The following TAOK1 variants were observed in gnomAD, a reference collection of about 807,000 sequenced individuals.
TAOK1 encodes TAO kinase 1.
A neutral mutation model predicts 138.3 loss-of-function variants in TAOK1; 21 were observed. The observed-to-expected ratio is 0.15, with a 90% CI of 0.11 to 0.22. TAOK1 has a LOEUF of 0.22. Ranked by LOEUF, TAOK1 falls within the 10% of genes least tolerant of loss-of-function variation. TAOK1 has a pLI of 1.00. For synonymous variants in TAOK1, 361 were observed against 398.4 expected (o/e 0.91, Z 1.12); for missense variants, 651 against 1,227.7 (o/e 0.53, Z 7.02).
intron 1 of TAOK1, among the ~76,000 whole-genome samples, chr17:29,404,532 C>T (rs1458933943): frequency 6.6e-6 from 1 of 152,150 alleles, no homozygotes; most frequent in Non-Finnish European, 1.5e-5. Flanking sequence ...TATCTTCCGC[C>T]TGTAATCCCA....
At chr17:29,499,439 C>T (rs1433435516) in intron 12 of TAOK1, among the ~76,000 whole-genome samples, 3 of 151,496 alleles carry the variant, frequency 2.0e-5, no homozygotes, top group Non-Finnish European at 4.4e-5. Flanking sequence ...ACCATGTTGG[C>T]CAGGCTAGTC....
chr17:29,537,732 AAAG>A (rs1266499558), intron 19 of TAOK1, among the ~76,000 whole-genome samples: 1 of 152,174 alleles, frequency 6.6e-6, no homozygotes, highest in East Asian at 1.9e-4. Context: ...GAAAAAAGGA[AAAG>A]AAATCCAAAT....
rs373726207 is a variant in TAOK1, at chr17:29,393,602, A to G, written c.-95+2578A>G. On this transcript the variant is annotated intron_variant, in intron 1 of 19. Transcript: ENST00000261716. Reference sequence around the variant, plus strand: ...TCTTATGTTTCTAAATAGTTCATCTACAAAATGGCAGTGTACATCACTTCC... The same window carrying G: ...TCTTATGTTTCTAAATAGTTCATCTGCAAAATGGCAGTGTACATCACTTCC... 3.3e-5 allele frequency among the ~76,000 whole-genome samples: 5 copies of G among 152,348 alleles called. No individual in the cohort carries two copies. The East Asian group carries it at 7.7e-4, about 23-fold the overall frequency.
At chr17:29,504,276 CAAAAA>C (rs71138826) in intron 13 of TAOK1, among the ~76,000 whole-genome samples, 1 of 40,846 alleles carries the variant, frequency 2.4e-5, no homozygotes, top group Non-Finnish European at 4.4e-5. Flanking sequence ...GACCCTGTCT[CAAAAA>C]AAAAAAAAAA....
At chr17:29,507,080 G>C (rs935859808) in intron 13 of TAOK1, among the ~76,000 whole-genome samples, 1 of 152,104 alleles carries the variant, frequency 6.6e-6, no homozygotes, top group South Asian at 2.1e-4. Context: ...GTTACCAGGA[G>C]GGGAGAATGG....
At position 29,547,284 on chromosome 17, in the gene TAOK1, A is replaced by G. The variant is rs564712169; in HGVS notation, c.*4262A>G. 1 of 152,278 alleles carries G rather than the reference A, an allele frequency of 6.6e-6. No individual in the cohort carries two copies. Among genetic ancestry groups the G allele is most frequent in the South Asian group, 2.1e-4 (1 of 4,828 alleles). 9.4% of individuals were successfully genotyped at this position (152,278 alleles called of 1,614,324 possible). On this transcript the variant is annotated 3_prime_UTR_variant, in exon 20 of 20. Coordinates refer to ENST00000261716, the MANE Select transcript of TAOK1 (RefSeq NM_020791.4). Reference sequence around the variant, plus strand: ...AACAGCCAAGAAAGGAATTACTGCTAAAGCATCTAAGATTCTCCTGAACTG... The same window carrying G: ...AACAGCCAAGAAAGGAATTACTGCTGAAGCATCTAAGATTCTCCTGAACTG...
chr17:29,424,314 G>A (rs1196582804), intron 1 of TAOK1, among the ~76,000 whole-genome samples: 3 of 151,206 alleles, frequency 2.0e-5, no homozygotes, highest in Non-Finnish European at 2.9e-5. Flanking sequence ...GCGGGTGCCT[G>A]TAGTCCCAGC....
At position 29,395,824 on chromosome 17, in the gene TAOK1, A is replaced by ATTTTTTTTTTTTTTTT. The variant is rs1187461666; in HGVS notation, c.-95+4809_-95+4824dup. ...AGGTACATGCCACCACGTCTGGCTAATTTTTTTTTTTTTTTTTTTTTTTTG... is the reference window on the plus strand; with the variant it reads ...AGGTACATGCCACCACGTCTGGCTAATTTTTTTTTTTTTTTTTTTTTTTTTTTTTTTTTTTTTTTTG... On this transcript the variant is annotated intron_variant, in intron 1 of 19. Transcript: ENST00000261716. Among the ~76,000 whole-genome samples the ATTTTTTTTTTTTTTTT allele has an allele frequency of 9.7e-5, 7 of 72,106 alleles. 1 individual carries two copies. Among genetic ancestry groups the ATTTTTTTTTTTTTTTT allele is most frequent in the African/African-American group, 4.5e-4 (7 of 15,542 alleles). The allele number at this position is 72,106 out of a possible 152,430, so 47.3% of individuals were successfully genotyped here.
At chr17:29,513,149 G>T (rs568099000) in intron 15 of TAOK1, 1 of 137,852 alleles carries the variant, frequency 7.3e-6, no homozygotes, top group African/African-American at 2.7e-5. Flanking sequence ...GATAAAATAA[G>T]TATAATCAAT....
intron 3 of TAOK1, among the ~76,000 whole-genome samples, chr17:29,468,272 G>T (rs1188484334): frequency 6.6e-6 from 1 of 150,618 alleles, no homozygotes; most frequent in Non-Finnish European, 1.5e-5. Flanking sequence ...GAGTAGCTGG[G>T]ACTACAGGTG....
chr17:29,401,222 A>G (rs1567707858), intron 1 of TAOK1, among the ~76,000 whole-genome samples: 1 of 151,968 alleles, frequency 6.6e-6, no homozygotes, highest in Non-Finnish European at 1.5e-5. Flanking sequence ...GCAGTTTGCC[A>G]CATTTTTATA....
chr17:29,478,373 G>T, intron 6 of TAOK1, 26 bp downstream of exon 6: 1 of 1,493,112 alleles, frequency 6.7e-7, no homozygotes, highest in South Asian at 1.4e-5. Flanking sequence ...ATTATATATT[G>T]ATAAGTAAAT....
At chr17:29,515,324 AT>A (rs971579849) in intron 15 of TAOK1, among the ~76,000 whole-genome samples, 7 of 152,056 alleles carry the variant, frequency 4.6e-5, no homozygotes, top group Admixed American at 2.0e-4. Flanking sequence ...GTTTAACTGT[AT>A]TTTTGTCCTA....
intron 10 of TAOK1, among the ~76,000 whole-genome samples, chr17:29,493,397 C>T (rs751225354): frequency 2.0e-5 from 3 of 149,160 alleles, no homozygotes; most frequent in Non-Finnish European, 3.0e-5. Flanking sequence ...AGGAGGCTGA[C>T]GCAGGAGAAT....
At chr17:29,463,297 C>T (rs964252716) in intron 2 of TAOK1, among the ~76,000 whole-genome samples, 2 of 152,086 alleles carry the variant, frequency 1.3e-5, no homozygotes, top group Non-Finnish European at 2.9e-5. Flanking sequence ...AGGCCAGGCA[C>T]GGTGGGTCAT....
At chr17:29,454,686 GGTTTTTTT>G (rs930332508) in intron 2 of TAOK1, among the ~76,000 whole-genome samples, 4 of 151,700 alleles carry the variant, frequency 2.6e-5, no homozygotes, top group Non-Finnish European at 5.9e-5. Context: ...CATATTCTTA[GGTTTTTTT>G]GTTTTTTTGT....
chr17:29,534,928 G>GGTGTGTGTGTGTGTGTGTGT (rs71138832), intron 19 of TAOK1, among the ~76,000 whole-genome samples: 1 of 147,222 alleles, frequency 6.8e-6, no homozygotes, highest in African/African-American at 2.5e-5. Flanking sequence ...AGGATACTAA[G>GGTGTGTGTGTGTGTGTGTGT]GTGTGTGTGT....
intron 13 of TAOK1, among the ~76,000 whole-genome samples, chr17:29,504,863 G>A (rs903641279): frequency 2.5e-4 from 38 of 152,216 alleles, no homozygotes; most frequent in African/African-American, 8.7e-4. Flanking sequence ...TCTGCAACAT[G>A]TAAATAACAC....
intron 3 of TAOK1, among the ~76,000 whole-genome samples, chr17:29,472,909 A>G (rs2030859790): frequency 6.6e-6 from 1 of 152,212 alleles, no homozygotes; most frequent in South Asian, 2.1e-4. Context: ...TGGAACTCAA[A>G]ATTATTCCTT....
Sources: gnomAD v4.1 joint callset for allele counts (sites outside exome capture counted in the v4.1 genomes callset) on GRCh38, gnomAD v4.1.1 for gene constraint, MANE v1.5 for transcripts, NCBI Gene and HGNC (gene_info 2026-07-23, HGNC 2026-07-21) for gene names.